The following PHLPP2 variants were observed in gnomAD, a reference collection of about 807,000 sequenced individuals.
PHLPP2 encodes PH domain and leucine rich repeat protein phosphatase 2.
PHLPP2 carries 66 observed loss-of-function variants against 124.9 expected under a neutral mutation model. The observed-to-expected ratio is 0.53, with a 90% CI of 0.43 to 0.65. The LOEUF is 0.65. Among genes scored for constraint, PHLPP2 ranks in the 30% least tolerant of loss-of-function variants. The pLI is 0.00. For synonymous variants in PHLPP2, 681 were observed against 624.7 expected (o/e 1.09, Z -1.34); for missense variants, 1,685 against 1,600.4 (o/e 1.05, Z -0.90).
intron 4 of PHLPP2, among the ~76,000 whole-genome samples, chr16:71,689,271 G>A (rs967010905): frequency 8.6e-5 from 13 of 151,340 alleles, no homozygotes; most frequent in Non-Finnish European, 1.3e-4. Context: ...GCTAGGATAC[G>A]GTAGCACGAT....
intron 1 of PHLPP2, chr16:71,723,554 G>C (rs1166270384): frequency 4.8e-6 from 1 of 206,238 alleles, no homozygotes; most frequent in Non-Finnish European, 9.5e-6. Context: ...GGGGTACCGA[G>C]GCGCCGAGGC....
Position 71,658,709 on chromosome 16 carries a change from C to T in PHLPP2, c.2092G>A (p.Ala698Thr). 1.9e-6 allele frequency: 3 copies of T among 1,614,138 alleles called. No homozygotes were observed. Among genetic ancestry groups the T allele is most frequent in the Non-Finnish European group, 2.5e-6 (3 of 1,180,008 alleles). The change falls in exon 14 of 19, where the codon GCA becomes ACA. Residue 698 changes from alanine (A) to threonine (T), a missense_variant. Transcript: ENST00000568954. ...ANCKRLHTLV[A>T]HSNNISIFPE... The stretch of plus-strand genomic sequence containing the variant: ...AAAATGCTGATGTTGTTGGAGTGTG[C>T]AACAAGGGTGTGCAGCCTTTTACAG...
intron 9 of PHLPP2, among the ~76,000 whole-genome samples, chr16:71,676,093 T>TA (rs2044942616): frequency 6.6e-6 from 1 of 151,958 alleles, no homozygotes; most frequent in Non-Finnish European, 1.5e-5. Flanking sequence ...GTATGGGCCA[T>TA]AAAAAAAGAG....
At chr16:71,671,418 G>C (rs1055304923) in intron 10 of PHLPP2, among the ~76,000 whole-genome samples, 3 of 151,920 alleles carry the variant, frequency 2.0e-5, no homozygotes, top group Non-Finnish European at 4.4e-5. Flanking sequence ...TGTACTCACA[G>C]CACTTAGGAT....
intron 1 of PHLPP2, chr16:71,723,733 C>CCGCTCGCTCGCTCGCTCGCT (rs758750389): frequency 9.4e-7 from 1 of 1,065,098 alleles, no homozygotes; most frequent in African/African-American, 1.7e-5. Flanking sequence ...GCCCGCTCGC[C>CCGCTCGCTCGCTCGCTCGCT]CGCTCGCTCG....
chr16:71,701,706 G>A (rs1343366743), intron 3 of PHLPP2, among the ~76,000 whole-genome samples: 1 of 152,024 alleles, frequency 6.6e-6, no homozygotes, highest in Non-Finnish European at 1.5e-5. Context: ...CCTGCCACCT[G>A]TGGTCTTGCT....
intron 12 of PHLPP2, 115 bp downstream of exon 12, chr16:71,667,063 G>C (rs547631776): frequency 1.2e-6 from 1 of 808,234 alleles, no homozygotes; most frequent in African/African-American, 1.7e-5. Flanking sequence ...CTCATAGTTG[G>C]ACTATTAGGT....
intron 6 of PHLPP2, among the ~76,000 whole-genome samples, chr16:71,680,074 C>T (rs1354740682): frequency 6.6e-6 from 1 of 151,112 alleles, no homozygotes; most frequent in Non-Finnish European, 1.5e-5. Flanking sequence ...CAGAGTGAGA[C>T]TCTGTCTCAA....
chr16:71,696,397 G>A (rs986886605), intron 3 of PHLPP2, among the ~76,000 whole-genome samples: 8 of 152,122 alleles, frequency 5.3e-5, no homozygotes, highest in African/African-American at 1.7e-4. Context: ...AGCACTTCAG[G>A]AGGCCAAGGT....
In PHLPP2 at chr16:71,648,617, T is replaced by C. The variant is rs1596984090; in HGVS notation, c.*273A>G. The C allele has an allele frequency of 8.1e-6, 3 of 369,814 alleles. No homozygotes were observed. Among genetic ancestry groups the C allele is most frequent in the East Asian group, 8.7e-5 (2 of 23,078 alleles). The allele number at this position is 369,814 out of a possible 1,614,324, so 22.9% of individuals were successfully genotyped here. A position where few individuals can be genotyped will look rare whatever the true frequency, so the allele number is the denominator to read the frequency against. On this transcript the variant is annotated 3_prime_UTR_variant, in exon 19 of 19. Transcript: ENST00000568954. ...AAACCCCGTCTCTAAAAAAAAAAAA[T>C]AAAACTTAGCCGGGCATAATGGCAG...
chr16:71,651,694 G>A (rs527732988), intron 18 of PHLPP2, among the ~76,000 whole-genome samples: 2 of 152,154 alleles, frequency 1.3e-5, no homozygotes, highest in East Asian at 3.9e-4. Context: ...TTCCTTAGAT[G>A]AACTCTAATA....
rs1295157732 is a variant in PHLPP2 at position 71,649,079 on chromosome 16, C to A, written c.3783G>T (p.Val1261=). The change falls in exon 19 of 19, where the codon GTG becomes GTT. Residue 1261 remains valine, a synonymous_variant. Coordinates refer to ENST00000568954, the MANE Select transcript of PHLPP2 (RefSeq NM_015020.3). ...CAAAATAGCCAGTTTTCCTCTTGGG[C>A]ACTTCTGTGGCCACTTCAATGAGGT... The part of the protein sequence containing the change: ...SLNLIEVATE[V]PKRKTGYFAA... The A allele has an allele frequency of 3.1e-6, 5 of 1,614,134 alleles. No homozygotes were observed. In the South Asian group the frequency reaches 5.5e-5, roughly 18 times the overall value.
At chr16:71,676,852 G>A (rs185866374) in intron 8 of PHLPP2, 34 of 526,864 alleles carry the variant, frequency 6.5e-5, no homozygotes, top group Middle Eastern at 5.3e-4. Context: ...AGGTTAAAGC[G>A]ATTCTCCTGC....
chr16:71,649,906 C>A lies in PHLPP2; in HGVS notation c.2956G>T (p.Ala986Ser). 2 of 1,614,242 alleles carry A rather than the reference C, an allele frequency of 1.2e-6. No individual in the cohort carries two copies. The highest frequency in any genetic ancestry group is 1.7e-6 in the Non-Finnish European group (2 of 1,180,046). The change falls in exon 19 of 19, where the codon GCA becomes TCA. Residue 986 changes from alanine to serine, a missense_variant. Ala to Ser is a moderately conservative substitution (Grantham distance 99). Coordinates refer to ENST00000568954, the MANE Select transcript of PHLPP2 (RefSeq NM_015020.3). ...GTGTAGGACAAGTGTTCCCACAATG[C>A]TTTGTTTCCCAGAATCAGCAACTCA... is the stretch of plus-strand genomic sequence containing the variant. ...QDELLILGNK[A>S]LWEHLSYTEA...
At chr16:71,652,552 C>T (rs1410223110) in intron 18 of PHLPP2, among the ~76,000 whole-genome samples, 3 of 152,228 alleles carry the variant, frequency 2.0e-5, no homozygotes, top group Non-Finnish European at 4.4e-5. Flanking sequence ...TATCAATATA[C>T]AGGATCACAA....
chr16:71,690,717 G>T lies in PHLPP2; in HGVS notation c.419-8C>A. 1 of 1,589,436 alleles carries T rather than the reference G, an allele frequency of 6.3e-7. No homozygotes were observed. Among genetic ancestry groups the T allele is most frequent in the Non-Finnish European group, 8.6e-7 (1 of 1,160,658 alleles). On this transcript the variant is annotated splice_polypyrimidine_tract_variant and splice_region_variant and intron_variant, in intron 3 of 18. Coordinates refer to ENST00000568954, the MANE Select transcript of PHLPP2 (RefSeq NM_015020.3). ...CCATGTGGCATGGTTTTTCTGAAAA[G>T]GAAATAATACTTCAGAATCCACCAT...
intron 1 of PHLPP2, chr16:71,723,595 C>A: frequency 7.2e-6 from 2 of 278,688 alleles, no homozygotes; most frequent in Non-Finnish European, 1.3e-5. Context: ...GAGGCCTCGG[C>A]GTCCCCAGCC....
intron 11 of PHLPP2, among the ~76,000 whole-genome samples, chr16:71,667,651 A>G (rs1728437265): frequency 6.6e-6 from 1 of 152,258 alleles, no homozygotes; most frequent in South Asian, 2.1e-4. Flanking sequence ...CCAAAAATTC[A>G]GTATATTAAT....
intron 1 of PHLPP2, among the ~76,000 whole-genome samples, chr16:71,717,780 G>C (rs976270514): frequency 5.3e-5 from 8 of 152,162 alleles, no homozygotes; most frequent in African/African-American, 1.4e-4. Context: ...AGAAAAAAGA[G>C]TAAGCAGACA....
Sources: gnomAD v4.1 joint callset for allele counts (sites outside exome capture counted in the v4.1 genomes callset) on GRCh38, gnomAD v4.1.1 for gene constraint, MANE v1.5 for transcripts, NCBI Gene and HGNC (gene_info 2026-07-23, HGNC 2026-07-21) for gene names.